DOCK9: variants seen among roughly 807,000 people sequenced by gnomAD.
The protein encoded by DOCK9 is dedicator of cytokinesis protein 9.
In DOCK9, 89 loss-of-function variants were observed where a neutral mutation model predicts 263.3. The ratio of observed to expected loss-of-function variants is 0.34; its 90% confidence interval spans 0.28 to 0.40. The LOEUF is 0.40. DOCK9 is among the 10% of genes least tolerant of loss of function. The pLI, the probability that DOCK9 is intolerant of heterozygous loss-of-function variation, is 1.00. For synonymous variants in DOCK9, 976 were observed against 973.1 expected, an observed-to-expected ratio of 1.00 and a Z score of -0.06; for missense variants, 2,140 against 2,603.4, an observed-to-expected ratio of 0.82 and a Z score of 3.87.
At chr13:98,966,060 T>G (rs2059156535) in intron 1 of DOCK9, among the ~76,000 whole-genome samples, 1 of 152,138 alleles carries the variant, frequency 6.6e-6, no homozygotes, top group Non-Finnish European at 1.5e-5. Context: ...ATAATACCAA[T>G]TAAGGAAAAC....
In DOCK9 at chr13:98,846,036, T is replaced by C; in HGVS notation, c.4086A>G (p.Ile1362Met). 5.7e-6 allele frequency: 9 copies of C among 1,590,114 alleles called. No homozygotes were observed. Among genetic ancestry groups the C allele is most frequent in the Middle Eastern group, 1.7e-4 (1 of 6,042 alleles). ...IARNQEGLGP[I>M]VHDRKSQTLP... ...ATGTCTGAGACTTTCGATCATGAAC[T>C]ATGGGTCCCAACCCCTCCTGGTTCC... The change falls in exon 38 of 53, where the codon ATA becomes ATG. Residue 1362 changes from isoleucine (I) to methionine (M), a missense_variant. Transcript: ENST00000682017.
chr13:99,079,815 G>A (rs1297159247), intron 1 of DOCK9, among the ~76,000 whole-genome samples: 2 of 152,176 alleles, frequency 1.3e-5, no homozygotes, highest in Non-Finnish European at 2.9e-5. Context: ...CGAAGTGGGT[G>A]AATCATTTGA....
intron 2 of DOCK9, 97 bp from the exon 3 acceptor site, chr13:98,930,354 CCA>C (rs2053718882): frequency 1.0e-6 from 1 of 972,988 alleles, no homozygotes; most frequent in Non-Finnish European, 1.6e-6. Flanking sequence ...GCCCTGGCAG[CCA>C]CAGAGTCCCT....
intron 1 of DOCK9, among the ~76,000 whole-genome samples, chr13:99,068,716 G>GA (rs35676525): frequency 0.11 from 16,485 of 151,718 alleles, 1,086 homozygotes; most frequent in South Asian, 0.19. Flanking sequence ...GATCTTTTAG[G>GA]AAAAAAATAA....
intron 11 of DOCK9, 92 bp from the exon 12 acceptor site, chr13:98,902,583 G>T: frequency 8.1e-7 from 1 of 1,229,216 alleles, no homozygotes; most frequent in Non-Finnish European, 1.1e-6. Context: ...GACCTATTTA[G>T]GACTGTTGCC....
In DOCK9 at chr13:98,831,801, TGAC is replaced by T. The variant is rs768382942; in HGVS notation, c.4315-18_4315-16del. On this transcript the variant is annotated splice_polypyrimidine_tract_variant and intron_variant, in intron 39 of 52. Transcript: ENST00000682017. ...AGGAGCTGGTTCTTAAAACACACAT[TGAC>T]GGCTTTGTTAGACATACCAGTCACC... The T allele has an allele frequency of 6.2e-7, 1 of 1,612,656 alleles. No individual in the cohort carries two copies. Among genetic ancestry groups the T allele is most frequent in the Non-Finnish European group, 8.5e-7 (1 of 1,179,410 alleles).
chr13:99,025,751 C>G (rs924184568), intron 1 of DOCK9, among the ~76,000 whole-genome samples: 1 of 152,190 alleles, frequency 6.6e-6, no homozygotes. Context: ...CATGAATGCT[C>G]TTAGCAGCAC....
chr13:98,936,623 CAA>C (rs1189746396), intron 2 of DOCK9, among the ~76,000 whole-genome samples: 17 of 47,458 alleles, frequency 3.6e-4, no homozygotes, highest in Admixed American at 6.5e-4. Context: ...CTGTCTCAAA[CAA>C]AAAAAAAAAA....
At chr13:99,051,230 A>T (rs1166838754) in intron 1 of DOCK9, among the ~76,000 whole-genome samples, 1 of 152,218 alleles carries the variant, frequency 6.6e-6, no homozygotes, top group Non-Finnish European at 1.5e-5. Flanking sequence ...GAGCCAGCTC[A>T]GTGCTTCCTT....
intron 1 of DOCK9, among the ~76,000 whole-genome samples, chr13:98,969,924 G>A (rs562425166): frequency 2.0e-5 from 3 of 152,314 alleles, no homozygotes; most frequent in South Asian, 2.1e-4. Context: ...TATGCTTTGC[G>A]TTCTCTGCAA....
chr13:98,907,783 A>C (rs1448157217), intron 9 of DOCK9, among the ~76,000 whole-genome samples: 1 of 152,238 alleles, frequency 6.6e-6, no homozygotes, highest in Non-Finnish European at 1.5e-5. Context: ...GGAATTACCA[A>C]GTAAAATCTA....
chr13:98,918,988 T>C (rs1566962539), intron 7 of DOCK9, among the ~76,000 whole-genome samples: 1 of 152,034 alleles, frequency 6.6e-6, no homozygotes, highest in Non-Finnish European at 1.5e-5. Context: ...CGTCCAAAAC[T>C]GATGAATGAA....
intron 2 of DOCK9, among the ~76,000 whole-genome samples, chr13:98,940,387 C>T (rs1432904073): frequency 6.6e-6 from 1 of 152,100 alleles, no homozygotes; most frequent in East Asian, 1.9e-4. Flanking sequence ...TAAAACATTA[C>T]AAGGGCTGAG....
intron 41 of DOCK9, among the ~76,000 whole-genome samples, chr13:98,830,895 A>T (rs2092733887): frequency 6.6e-6 from 1 of 152,204 alleles, no homozygotes; most frequent in Non-Finnish European, 1.5e-5. Flanking sequence ...AGAAAAAGAG[A>T]GTTTACAAAA....
chr13:98,956,328 T>C (rs2058057953), intron 1 of DOCK9, among the ~76,000 whole-genome samples: 1 of 152,250 alleles, frequency 6.6e-6, no homozygotes, highest in Non-Finnish European at 1.5e-5. Context: ...TGCCACCTTG[T>C]TTATGGCTCG....
chr13:98,884,290 A>G (rs1279321500), intron 21 of DOCK9, among the ~76,000 whole-genome samples: 1 of 152,254 alleles, frequency 6.6e-6, no homozygotes, highest in Non-Finnish European at 1.5e-5. Context: ...CAAAGGGTCA[A>G]TCGTCTGCTC....
intron 1 of DOCK9, among the ~76,000 whole-genome samples, chr13:99,066,575 G>A (rs1363460147): frequency 1.3e-5 from 2 of 152,066 alleles, no homozygotes; most frequent in East Asian, 3.8e-4. Context: ...CATGGCTTCT[G>A]GAGTTAATTA....
chr13:98,884,587 G>A (rs1370418368), intron 21 of DOCK9, among the ~76,000 whole-genome samples: 4 of 152,246 alleles, frequency 2.6e-5, no homozygotes, highest in African/African-American at 4.8e-5. Context: ...GTGCAACCCT[G>A]TGGGTGAGAG....
At chr13:98,942,222 T>TTTG (rs2055990710) in intron 2 of DOCK9, among the ~76,000 whole-genome samples, 1 of 119,316 alleles carries the variant, frequency 8.4e-6, no homozygotes, top group African/African-American at 4.0e-5. Flanking sequence ...CTGGTTATGT[T>TTTG]TTTTTTTTTG....
Sources: allele counts gnomAD v4.1 joint callset (sites outside exome capture counted in the v4.1 genomes callset), GRCh38; gene constraint gnomAD v4.1.1; transcripts MANE v1.5; gene names NCBI Gene and HGNC (gene_info 2026-07-23, HGNC 2026-07-21).